The following PRR16 variants were observed in gnomAD, a reference collection of about 807,000 sequenced individuals.
PRR16 encodes the protein proline rich 16.
A neutral mutation model predicts 18.2 loss-of-function variants in PRR16; 6 were observed. That is an observed-to-expected ratio of 0.33 (90% CI 0.18 to 0.65). PRR16 has a LOEUF of 0.65. Among genes scored for constraint, PRR16 ranks in the 30% least tolerant of loss-of-function variants. PRR16 has a pLI of 0.74. For missense variants in PRR16, 412 were observed against 376.6 expected, an observed-to-expected ratio of 1.09 and a Z score of -0.78; for synonymous variants, 151 against 147.8, an observed-to-expected ratio of 1.02 and a Z score of -0.16.
intron 1 of PRR16, among the ~76,000 whole-genome samples, chr5:120,667,588 A>C (rs796388171): frequency 0.049 from 7,303 of 148,954 alleles, 199 homozygotes; most frequent in Non-Finnish European, 0.069. Flanking sequence ...TCTTGTGGGC[A>C]TTTAGTGCTA....
the PRR16 span, among the ~76,000 whole-genome samples, chr5:120,721,250 T>A: frequency 6.5e-4 from 99 of 152,160 alleles, no homozygotes; most frequent in African/African-American, 2.2e-3. Context: ...CTGCTCTTGT[T>A]GAAGCTCATC....
At chr5:120,776,698 A>C in the PRR16 span, among the ~76,000 whole-genome samples, 1 of 152,282 alleles carries the variant, frequency 6.6e-6, no homozygotes, top group African/African-American at 2.4e-5. Context: ...ATATTGTTTA[A>C]ATTTCTCATA....
chr5:120,711,067 G>A, the PRR16 span, among the ~76,000 whole-genome samples: 1 of 152,080 alleles, frequency 6.6e-6, no homozygotes, highest in Admixed American at 6.5e-5. Context: ...CTCTGACTCT[G>A]GGTCTTCTGC....
At chr5:120,617,867 CAA>C (rs1203813596) in intron 1 of PRR16, among the ~76,000 whole-genome samples, 2 of 152,104 alleles carry the variant, frequency 1.3e-5, no homozygotes, top group Non-Finnish European at 2.9e-5. Flanking sequence ...GAATTCCTAA[CAA>C]AGTGAAAACA....
the PRR16 span, among the ~76,000 whole-genome samples, chr5:120,759,223 G>A: frequency 2.6e-5 from 4 of 151,922 alleles, no homozygotes; most frequent in South Asian, 2.1e-4. Context: ...TGATCTGCCC[G>A]CTTCGGCCTC....
chr5:120,643,491 G>A (rs1020115288), intron 1 of PRR16, among the ~76,000 whole-genome samples: 25 of 152,066 alleles, frequency 1.6e-4, no homozygotes, highest in African/African-American at 5.8e-4. Flanking sequence ...TTCACTCATT[G>A]TTTTATTTTG....
Position 120,686,474 on chromosome 5 carries a change from A to C in PRR16, c.680A>C (p.Lys227Thr). 7 of 1,614,098 alleles carry C rather than the reference A, an allele frequency of 4.3e-6. No homozygotes were observed. Among genetic ancestry groups the C allele is most frequent in the Non-Finnish European group, 4.2e-6 (5 of 1,179,990 alleles). ...GACTGTGATACCCGGTATAACATAA[A>C]AAACAGGGAGGTCCACTTACACAGT... ...CPDCDTRYNI[K>T]NREVHLHSEP... The change falls in exon 2 of 2, where the codon AAA becomes ACA. Residue 227 changes from lysine (K) to threonine (T), a missense_variant. Transcript: ENST00000407149.
the PRR16 span, among the ~76,000 whole-genome samples, chr5:120,732,797 C>T: frequency 6.6e-6 from 1 of 152,036 alleles, no homozygotes; most frequent in Non-Finnish European, 1.5e-5. Context: ...GTGGCAGATT[C>T]TAATGTCCCT....
intron 1 of PRR16, among the ~76,000 whole-genome samples, chr5:120,483,416 T>C (rs1054596586): frequency 1.3e-5 from 2 of 150,188 alleles, no homozygotes; most frequent in Admixed American, 1.4e-4. Flanking sequence ...AAGTAAGGTT[T>C]ATGGAATATT....
Position 120,686,113 on chromosome 5 carries a change from C to G in PRR16, c.319C>G (p.Pro107Ala), listed in dbSNP as rs775402639. 3 of 1,613,958 alleles carry G rather than the reference C, an allele frequency of 1.9e-6. No individual in the cohort carries two copies. The highest frequency in any genetic ancestry group is 1.7e-5 in the Admixed American group (1 of 59,978). Reference sequence around the variant, plus strand: ...GGCTAATGCACCGCTTATTAAACCCCCAGCACACCCGTCTGCTATCCTCAC... The same window carrying G: ...GGCTAATGCACCGCTTATTAAACCCGCAGCACACCCGTCTGCTATCCTCAC... ...VQANAPLIKP[P>A]AHPSAILTVL... The change falls in exon 2 of 2, where the codon CCA becomes GCA. Residue 107 changes from proline to alanine, a missense_variant. By Grantham distance (27) the Pro-to-Ala change is conservative. Coordinates refer to ENST00000407149, the MANE Select transcript of PRR16 (RefSeq NM_001300783.2).
chr5:120,600,401 C>A (rs1188912772), intron 1 of PRR16, among the ~76,000 whole-genome samples: 2 of 151,688 alleles, frequency 1.3e-5, no homozygotes, highest in Non-Finnish European at 2.9e-5. Context: ...ATTTATTGCT[C>A]CAACAACGCA....
intron 1 of PRR16, among the ~76,000 whole-genome samples, chr5:120,525,893 C>A (rs912007001): frequency 6.6e-6 from 1 of 152,224 alleles, no homozygotes; most frequent in African/African-American, 2.4e-5. Context: ...CAATGATAAG[C>A]TTTGCTCCCT....
At chr5:120,690,710 C>A (rs1199060200), downstream of PRR16, among the ~76,000 whole-genome samples, 3 of 152,150 alleles carry the variant, frequency 2.0e-5, no homozygotes, top group African/African-American at 7.2e-5. Flanking sequence ...CTTCAAGTTA[C>A]ATGATTTTGA....
At chr5:120,622,894 A>G (rs1754737225) in intron 1 of PRR16, among the ~76,000 whole-genome samples, 1 of 152,214 alleles carries the variant, frequency 6.6e-6, no homozygotes, top group Non-Finnish European at 1.5e-5. Context: ...TGATTTGCAG[A>G]AACTAAATGT....
chr5:120,723,655 G>C, the PRR16 span, among the ~76,000 whole-genome samples: 2 of 151,816 alleles, frequency 1.3e-5, no homozygotes, highest in Non-Finnish European at 2.9e-5. Flanking sequence ...ACTTCACACT[G>C]TTTATAATTT....
intron 1 of PRR16, among the ~76,000 whole-genome samples, chr5:120,607,610 A>G (rs1754196077): frequency 6.6e-6 from 1 of 152,098 alleles, no homozygotes; most frequent in Non-Finnish European, 1.5e-5. Flanking sequence ...CTTGGTTTCA[A>G]AATCTTTTCT....
intron 1 of PRR16, among the ~76,000 whole-genome samples, chr5:120,511,678 G>A (rs1750831658): frequency 6.6e-6 from 1 of 152,190 alleles, no homozygotes; most frequent in Non-Finnish European, 1.5e-5. Context: ...TATTTTGAGA[G>A]TTCTTAGTGT....
rs1298818097 is a variant in PRR16, at chr5:120,465,492, C to G, written c.159+847C>G. ...TATCCCACTTCGGTTCAGCCCTACT[C>G]CCGCCCGCCCCTAGCCCCAGGTGAT... On this transcript the variant is annotated intron_variant, in intron 1 of 1. Transcript: ENST00000407149. 3 of 152,700 alleles carry G rather than the reference C, an allele frequency of 2.0e-5. No individual in the cohort carries two copies. The East Asian group carries it at 5.8e-4, about 29-fold the overall frequency. The allele number at this position is 152,700 out of a possible 1,614,324, so 9.5% of individuals were successfully genotyped here.
the PRR16 span, among the ~76,000 whole-genome samples, chr5:120,771,883 C>A: frequency 6.6e-6 from 1 of 151,386 alleles, no homozygotes; most frequent in Admixed American, 6.6e-5. Context: ...TAATTATATT[C>A]CAGTGATTTT....
Sources: allele counts gnomAD v4.1 joint callset (sites outside exome capture counted in the v4.1 genomes callset), GRCh38; gene constraint gnomAD v4.1.1; transcripts MANE v1.5; gene names NCBI Gene and HGNC (gene_info 2026-07-23, HGNC 2026-07-21).